Variants in TRAK1 observed in about 807,000 individuals in gnomAD.
TRAK1 encodes the protein trafficking kinesin-binding protein 1.
TRAK1 carries 33 observed loss-of-function variants against 92.1 expected under a neutral mutation model. The ratio of observed to expected loss-of-function variants is 0.36; its 90% CI spans 0.27 to 0.48. TRAK1 has a LOEUF of 0.48. Among genes scored for constraint, TRAK1 ranks in the 20% least tolerant of loss-of-function variants. The pLI, the probability that TRAK1 is intolerant of heterozygous loss-of-function variation, is 0.99. For synonymous variants in TRAK1, 521 were observed against 517.3 expected (o/e 1.01, Z -0.10); for missense variants, 1,123 against 1,257.9 (o/e 0.89, Z 1.62).
chr3:42,103,826 G>A (rs1037251112), intron 1 of TRAK1, among the ~76,000 whole-genome samples: 3 of 152,194 alleles, frequency 2.0e-5, no homozygotes, highest in Non-Finnish European at 4.4e-5. Flanking sequence ...TCATCTCACT[G>A]CGGCTTGTCA....
At chr3:42,017,692 G>A (rs770245442) in intron 1 of TRAK1, among the ~76,000 whole-genome samples, 1 of 152,102 alleles carries the variant, frequency 6.6e-6, no homozygotes, top group Non-Finnish European at 1.5e-5. Context: ...GCTATGATAG[G>A]CATTTTATGA....
intron 12 of TRAK1, 116 bp downstream of exon 12, chr3:42,201,170 C>A: frequency 8.6e-7 from 1 of 1,156,112 alleles, no homozygotes; most frequent in Non-Finnish European, 1.3e-6. Context: ...CTGAAAAATA[C>A]AGACCTGGCC....
chr3:42,018,280 A>T (rs564734909), intron 1 of TRAK1, among the ~76,000 whole-genome samples: 98 of 151,672 alleles, frequency 6.5e-4, no homozygotes, highest in African/African-American at 2.1e-3. Flanking sequence ...AAAAAAAAAA[A>T]ATATTGCTGT....
chr3:42,043,747 T>A (rs1702646976), intron 1 of TRAK1, among the ~76,000 whole-genome samples: 1 of 151,956 alleles, frequency 6.6e-6, no homozygotes, highest in Non-Finnish European at 1.5e-5. Flanking sequence ...CCCAGTGGCC[T>A]GTTAGGATGA....
At chr3:42,166,127 TC>T (rs1701835647) in intron 2 of TRAK1, among the ~76,000 whole-genome samples, 1 of 152,102 alleles carries the variant, frequency 6.6e-6, no homozygotes, top group Admixed American at 6.6e-5. Flanking sequence ...GGTCAGGAAT[TC>T]CTCGAGGGTA....
In TRAK1 at chr3:42,188,999, C is replaced by T. The variant is rs192413950; in HGVS notation, c.582-17C>T. 392 of 1,577,370 alleles carry T rather than the reference C, an allele frequency of 2.5e-4. 2 individuals carry two copies. In the African/African-American group the frequency reaches 4.6e-3, roughly 19 times the overall value. On this transcript the variant is annotated splice_polypyrimidine_tract_variant and intron_variant, in intron 5 of 15. Transcript: ENST00000327628. ...GAAATGCGTCTCCCTAGGTTGTGAG[C>T]GTACTTTCTCCCCCAGGTTGAAGAG...
At chr3:42,088,914 A>T (rs565901491), upstream of TRAK1, among the ~76,000 whole-genome samples, 38 of 151,898 alleles carry the variant, frequency 2.5e-4, no homozygotes, top group African/African-American at 8.7e-4. Flanking sequence ...GCAGCACTTG[A>T]TCTCACCCAG....
chr3:42,025,826 T>A (rs139423123), intron 1 of TRAK1, among the ~76,000 whole-genome samples: 1 of 152,332 alleles, frequency 6.6e-6, no homozygotes, highest in African/African-American at 2.4e-5. Flanking sequence ...TTAAAGTCCG[T>A]GGCAGATGTT....
intron 15 of TRAK1, 90 bp downstream of exon 15, chr3:42,219,686 TAG>T (rs772399183): frequency 6.2e-6 from 9 of 1,461,122 alleles, no homozygotes; most frequent in Non-Finnish European, 8.5e-6. Flanking sequence ...GAAAGCCAAG[TAG>T]AGAGGCTCAT....
chr3:42,129,427 C>T (rs1039666779), intron 2 of TRAK1, among the ~76,000 whole-genome samples: 1 of 152,082 alleles, frequency 6.6e-6, no homozygotes, highest in Non-Finnish European at 1.5e-5. Context: ...CCTGCACATC[C>T]TCCCCCTGAG....
At chr3:42,212,259 T>C (rs1443108461) in intron 14 of TRAK1, 1 of 985,346 alleles carries the variant, frequency 1.0e-6, no homozygotes, top group Non-Finnish European at 1.2e-6. Flanking sequence ...TCCCTGCCTT[T>C]TAATCCGTCC....
At chr3:42,029,426 G>A (rs1702035821) in intron 1 of TRAK1, among the ~76,000 whole-genome samples, 1 of 145,550 alleles carries the variant, frequency 6.9e-6, no homozygotes. Context: ...TTTTTTGGTA[G>A]AGATGGGGTC....
intron 1 of TRAK1, among the ~76,000 whole-genome samples, chr3:42,059,870 C>T (rs1202289707): frequency 6.6e-6 from 1 of 152,156 alleles, no homozygotes; most frequent in Admixed American, 6.5e-5. Flanking sequence ...TTTGACTTCA[C>T]AGATCATTGA....
At chr3:42,023,912 G>A (rs561370860) in intron 1 of TRAK1, among the ~76,000 whole-genome samples, 233 of 151,846 alleles carry the variant, frequency 1.5e-3, no homozygotes, top group African/African-American at 5.4e-3. Flanking sequence ...CTGCCACCAC[G>A]CCTGGCTAAT....
intron 1 of TRAK1, among the ~76,000 whole-genome samples, chr3:42,101,184 T>A (rs1706705424): frequency 6.6e-6 from 1 of 152,266 alleles, no homozygotes; most frequent in African/African-American, 2.4e-5. Context: ...GGACAAGAGC[T>A]CAAGAGGACA....
At chr3:42,107,242 G>A (rs577054700) in intron 1 of TRAK1, among the ~76,000 whole-genome samples, 4 of 152,182 alleles carry the variant, frequency 2.6e-5, no homozygotes, top group South Asian at 4.1e-4. Flanking sequence ...TGGGCTGGGC[G>A]CAGTGCCTTA....
intron 2 of TRAK1, among the ~76,000 whole-genome samples, chr3:42,161,491 C>G (rs1053221899): frequency 5.9e-5 from 9 of 152,156 alleles, no homozygotes; most frequent in African/African-American, 2.2e-4. Context: ...ATCCTCCCAC[C>G]TCAGCCTCCC....
intron 15 of TRAK1, among the ~76,000 whole-genome samples, chr3:42,221,071 CTTTT>C (rs369421571): frequency 1.2e-3 from 99 of 85,402 alleles, no homozygotes; most frequent in African/African-American, 4.5e-3. Context: ...AGAGAAGGCT[CTTTT>C]TTTTTTTTTT....
chr3:42,059,886 G>A (rs557530905), intron 1 of TRAK1, among the ~76,000 whole-genome samples: 74 of 152,286 alleles, frequency 4.9e-4, no homozygotes, highest in African/African-American at 1.7e-3. Context: ...ATTGAGGAAT[G>A]AGTGAGATTA....
Sources: gnomAD v4.1 joint callset for allele counts (sites outside exome capture counted in the v4.1 genomes callset) on GRCh38, gnomAD v4.1.1 for gene constraint, MANE v1.5 for transcripts, NCBI Gene and HGNC (gene_info 2026-07-23, HGNC 2026-07-21) for gene names.